NDUFA5: variants seen among roughly 807,000 people sequenced by gnomAD.
NDUFA5 encodes the protein NADH:ubiquinone oxidoreductase subunit A5.
A neutral mutation model predicts 19.8 loss-of-function variants in NDUFA5; 11 were observed. That is an observed-to-expected ratio of 0.56 (90% confidence interval 0.35 to 0.92). NDUFA5 has a LOEUF of 0.92. NDUFA5 is among the 40% of genes least tolerant of loss of function. NDUFA5 has a pLI of 0.01. For missense variants in NDUFA5, 109 were observed against 134.2 expected (o/e 0.81, Z 0.93); for synonymous variants, 47 against 46.8 (o/e 1.00, Z -0.01).
upstream of NDUFA5, among the ~76,000 whole-genome samples, chr7:123,562,801 T>C (rs541130587): frequency 5.8e-5 from 3 of 51,930 alleles, no homozygotes; most frequent in African/African-American, 2.0e-4. Context: ...TTTCTTTCTT[T>C]TTTTTTTTTT....
chr7:123,557,486 C>T (rs2116214497), intron 1 of NDUFA5, 38 bp from the exon 2 acceptor site: 2 of 1,612,736 alleles, frequency 1.2e-6, no homozygotes, highest in South Asian at 1.1e-5. Flanking sequence ...CTGTTTACTA[C>T]GGTTTCCATA....
intron 4 of NDUFA5, among the ~76,000 whole-genome samples, chr7:123,543,712 T>C (rs182720414): frequency 1.2e-3 from 182 of 152,188 alleles, no homozygotes; most frequent in Middle Eastern, 3.4e-3. Flanking sequence ...CCATGAAAAA[T>C]TGATGTATCA....
chr7:123,545,270 A>G (rs1798088234), intron 4 of NDUFA5, among the ~76,000 whole-genome samples: 1 of 152,078 alleles, frequency 6.6e-6, no homozygotes, highest in African/African-American at 2.4e-5. Context: ...TTTCCCTACT[A>G]AAAATATGCC....
chr7:123,578,602 C>T, the NDUFA5 span, among the ~76,000 whole-genome samples: 1 of 151,992 alleles, frequency 6.6e-6, no homozygotes, highest in East Asian at 1.9e-4. Flanking sequence ...ATTATGGAGA[C>T]CTTTGCCAAT....
intron 3 of NDUFA5, among the ~76,000 whole-genome samples, chr7:123,549,708 G>T (rs1402549539): frequency 6.6e-6 from 1 of 152,196 alleles, no homozygotes; most frequent in Non-Finnish European, 1.5e-5. Context: ...AGACTGGCAG[G>T]TCAAGGCTGC....
intron 2 of NDUFA5, chr7:123,551,603 T>C (rs1011392909): frequency 3.3e-6 from 2 of 601,664 alleles, no homozygotes; most frequent in Admixed American, 6.3e-5. Context: ...ATATAATCAT[T>C]ACATCTGTAT....
intron 4 of NDUFA5, among the ~76,000 whole-genome samples, chr7:123,542,525 G>A (rs919892450): frequency 5.3e-5 from 8 of 152,094 alleles, no homozygotes; most frequent in African/African-American, 1.9e-4. Context: ...TCAGAAGTAT[G>A]TCTTTTCATC....
chr7:123,555,143 G>A (rs758390553), intron 2 of NDUFA5: 14 of 152,200 alleles, frequency 9.2e-5, no homozygotes, highest in Admixed American at 3.3e-4. Context: ...GAAATGCATA[G>A]GAGATAAAGT....
intron 2 of NDUFA5, among the ~76,000 whole-genome samples, chr7:123,551,215 T>C (rs529872134): frequency 2.2e-4 from 33 of 148,648 alleles, no homozygotes; most frequent in African/African-American, 7.9e-4. Context: ...TTCTTTCTTT[T>C]TTTTTTTTTT....
chr7:123,554,589 C>G (rs1198120903), intron 2 of NDUFA5: 1 of 151,996 alleles, frequency 6.6e-6, no homozygotes, highest in Non-Finnish European at 1.5e-5. Context: ...TGGTACAGTA[C>G]AGTAAGATAT....
At chr7:123,550,446 A>C (rs1254205665) in intron 3 of NDUFA5, 24 bp downstream of exon 3, 5 of 1,529,466 alleles carry the variant, frequency 3.3e-6, no homozygotes, top group Non-Finnish European at 4.5e-6. Flanking sequence ...TACACAAGAC[A>C]ACAAAACTGA....
the NDUFA5 span, among the ~76,000 whole-genome samples, chr7:123,601,641 A>G: frequency 6.6e-6 from 1 of 152,178 alleles, no homozygotes; most frequent in African/African-American, 2.4e-5. Flanking sequence ...TTGTTTTCAT[A>G]AGAGTTCTTT....
the NDUFA5 span, among the ~76,000 whole-genome samples, chr7:123,578,384 C>T: frequency 1.3e-5 from 2 of 151,740 alleles, no homozygotes; most frequent in Non-Finnish European, 2.9e-5. Context: ...TTTGCCTTGG[C>T]CTAAACATCT....
At chr7:123,547,300 C>G (rs1159873951) in intron 3 of NDUFA5, among the ~76,000 whole-genome samples, 1 of 152,154 alleles carries the variant, frequency 6.6e-6, no homozygotes, top group African/African-American at 2.4e-5. Context: ...TGTAACATCC[C>G]CTATCCCCAC....
chr7:123,553,133 A>G (rs1584699911), intron 2 of NDUFA5, among the ~76,000 whole-genome samples: 9 of 152,340 alleles, frequency 5.9e-5, no homozygotes, highest in Admixed American at 3.9e-4. Context: ...TAGACTGGAC[A>G]TGGATCACAC....
chr7:123,561,296 A>G (rs1798684971), upstream of NDUFA5, among the ~76,000 whole-genome samples: 1 of 152,240 alleles, frequency 6.6e-6, no homozygotes, highest in South Asian at 2.1e-4. Context: ...ATAAAATATT[A>G]TAAAGACTTT....
chr7:123,544,893 A>T (rs2116070116), intron 4 of NDUFA5, among the ~76,000 whole-genome samples: 1 of 152,018 alleles, frequency 6.6e-6, no homozygotes, highest in Non-Finnish European at 1.5e-5. Flanking sequence ...CTATTTCTAT[A>T]ACCTAACTAT....
At chr7:123,565,729 A>C in the NDUFA5 span, among the ~76,000 whole-genome samples, 1 of 150,332 alleles carries the variant, frequency 6.7e-6, no homozygotes, top group Non-Finnish European at 1.5e-5. Context: ...AAAAATACAA[A>C]AGTTAGCCGG....
chr7:123,547,824 T>C (rs1798190137), intron 3 of NDUFA5, among the ~76,000 whole-genome samples: 1 of 152,176 alleles, frequency 6.6e-6, no homozygotes, highest in Admixed American at 6.5e-5. Flanking sequence ...AATGGCATAA[T>C]GCTATTAAAC....
Sources: allele counts gnomAD v4.1 joint callset (sites outside exome capture counted in the v4.1 genomes callset), GRCh38; gene constraint gnomAD v4.1.1; transcripts MANE v1.5; gene names NCBI Gene and HGNC (gene_info 2026-07-23, HGNC 2026-07-21).